The following SERPINB13 variants were observed in gnomAD, a reference collection of about 807,000 sequenced individuals.
SERPINB13 encodes serpin B13.
Under a neutral mutation model 31.2 loss-of-function variants are expected in SERPINB13, and 26 were observed. The ratio of observed to expected loss-of-function variants is 0.83; its 90% confidence interval spans 0.61 to 1.15. The LOEUF (loss-of-function observed/expected upper bound fraction) is 1.15, where lower values mean the gene tolerates loss of function less well. SERPINB13 is among the 50% of genes most tolerant of loss of function. The pLI is 0.00. For synonymous variants in SERPINB13, 191 were observed against 172.4 expected, an observed-to-expected ratio of 1.11 and a Z score of -0.85; for missense variants, 510 against 469.4, an observed-to-expected ratio of 1.09 and a Z score of -0.80.
chr18:63,597,191 T>C lies in SERPINB13; in HGVS notation c.1004T>C (p.Phe335Ser). 2 of 1,614,222 alleles carry C rather than the reference T, an allele frequency of 1.2e-6. No individual in the cohort carries two copies. The highest frequency in any genetic ancestry group is 8.5e-7 in the Non-Finnish European group (1 of 1,180,038). Residue 335 changes from phenylalanine (F) to serine (S), a missense_variant, in exon 8 of 8, where the codon TTT becomes TCT. Coordinates refer to ENST00000344731, the MANE Select transcript of SERPINB13 (RefSeq NM_012397.4). ...LYAQKFLHSS[F>S]VAVTEEGTEA... ...GCCCAGAAGTTCCTGCACAGTTCCT[T>C]TGTGGCAGTAACTGAGGAAGGCACC...
chr18:63,590,955 C>T (rs1386757815), intron 3 of SERPINB13, among the ~76,000 whole-genome samples: 1 of 152,172 alleles, frequency 6.6e-6, no homozygotes, highest in Non-Finnish European at 1.5e-5. Flanking sequence ...TATGTAAATT[C>T]AGAGTATTTT....
intron 4 of SERPINB13, 60 bp downstream of exon 4, chr18:63,592,536 G>C: frequency 6.4e-7 from 1 of 1,560,966 alleles, no homozygotes; most frequent in South Asian, 1.2e-5. Flanking sequence ...AAATGGCCCT[G>C]GTAGGACTAT....
chr18:63,587,932 T>C (rs1244429042), intron 1 of SERPINB13, among the ~76,000 whole-genome samples: 2 of 152,212 alleles, frequency 1.3e-5, no homozygotes, highest in African/African-American at 4.8e-5. Flanking sequence ...ACAAAAGTAA[T>C]GCAAGCTCAT....
intron 1 of SERPINB13, among the ~76,000 whole-genome samples, chr18:63,587,971 A>G (rs1911608885): frequency 3.3e-5 from 5 of 152,246 alleles, no homozygotes; most frequent in Admixed American, 3.3e-4. Flanking sequence ...ACAGAAAAGT[A>G]TAAAAAAGAA....
At position 63,592,375 on chromosome 18, in the gene SERPINB13, C is replaced by A. The variant is rs766444875; in HGVS notation, c.253C>A (p.Gln85Lys). 6.2e-7 allele frequency: 1 copy of A among 1,612,828 alleles called. No homozygotes were observed. Among genetic ancestry groups the A allele is most frequent in the South Asian group, 1.1e-5 (1 of 90,756 alleles). The change falls in exon 4 of 8, where the codon CAA (glutamine) becomes AAA (lysine). Residue 85 changes from glutamine to lysine, a missense_variant. Coordinates refer to ENST00000344731, the MANE Select transcript of SERPINB13 (RefSeq NM_012397.4). ...VIENTEAVHQ[Q>K]FQKFLTEISK... Reference sequence around the variant, plus strand: ...TGAGAACACAGAAGCAGTACATCAACAATTCCAAAAGTTTTTGACTGAAAT... The same window carrying A: ...TGAGAACACAGAAGCAGTACATCAAAAATTCCAAAAGTTTTTGACTGAAAT...
Position 63,592,986 on chromosome 18 carries a change from G to T in SERPINB13, c.472+15G>T. ...CAAAACAAATGGTAGAGTATGGGTG[G>T]GTCATTCATTGCAAAAAAACAAAAA... On this transcript the variant is annotated intron_variant, in intron 5 of 7. Coordinates refer to ENST00000344731, the MANE Select transcript of SERPINB13 (RefSeq NM_012397.4). 1 of 1,468,834 alleles carries T rather than the reference G, an allele frequency of 6.8e-7. No homozygotes were observed. The highest frequency in any genetic ancestry group is 9.3e-7 in the Non-Finnish European group (1 of 1,070,506). 91.0% of individuals were successfully genotyped at this position (1,468,834 alleles called of 1,614,324 possible).
Position 63,592,568 on chromosome 18 carries a change from T to A in SERPINB13, c.354+92T>A, listed in dbSNP as rs1176110456. 26 of 1,308,498 alleles carry A rather than the reference T, an allele frequency of 2.0e-5. No individual in the cohort carries two copies. In the South Asian group the frequency reaches 3.0e-4, roughly 15 times the overall value. The allele number at this position is 1,308,498 out of a possible 1,614,324, so 81.1% of individuals were successfully genotyped here. ...CTATGGGTCCTGAAGTCGTGCTGCC[T>A]GGCTCTGGCCACATCCCTGTGGTGC... On this transcript the variant is annotated intron_variant, in intron 4 of 7. Transcript: ENST00000344731.
Position 63,597,179 on chromosome 18 carries a change from T to C in SERPINB13, c.992T>C (p.Leu331Pro). 6.2e-7 allele frequency: 1 copy of C among 1,614,234 alleles called. No individual in the cohort carries two copies. The highest frequency in any genetic ancestry group is 8.5e-7 in the Non-Finnish European group (1 of 1,180,042). ...SGSGLYAQKF[L>P]HSSFVAVTEE... ...TCCGGGTTGTACGCCCAGAAGTTCC[T>C]GCACAGTTCCTTTGTGGCAGTAACT... The change falls in exon 8 of 8, where the codon CTG (leucine) becomes CCG (proline). Residue 331 changes from leucine (L) to proline (P), a missense_variant. Coordinates refer to ENST00000344731, the MANE Select transcript of SERPINB13 (RefSeq NM_012397.4).
chr18:63,588,890 G>T (rs961534984), intron 2 of SERPINB13, 58 bp downstream of exon 2: 40 of 1,552,674 alleles, frequency 2.6e-5, no homozygotes, highest in Non-Finnish European at 2.9e-5. Flanking sequence ...TTGGCGGGGG[G>T]GTTGTCAGCC....
intron 7 of SERPINB13, 27 bp downstream of exon 7, chr18:63,595,211 T>C (rs983237257): frequency 1.3e-6 from 2 of 1,585,814 alleles, no homozygotes; most frequent in African/African-American, 2.7e-5. Flanking sequence ...CCTTATTCTT[T>C]CTTTCATTTC....
intron 2 of SERPINB13, 130 bp downstream of exon 2, chr18:63,588,962 A>G (rs1474705779): frequency 2.0e-6 from 2 of 1,018,758 alleles, no homozygotes; most frequent in Non-Finnish European, 2.8e-6. Context: ...AGAGACTTTC[A>G]AGACAAGGAG....
intron 7 of SERPINB13, 50 bp from the exon 8 acceptor site, chr18:63,596,909 A>C: frequency 6.9e-7 from 1 of 1,452,736 alleles, no homozygotes; most frequent in South Asian, 1.3e-5. Context: ...ACACTGTTTT[A>C]GATTTTTATT....
intron 1 of SERPINB13, among the ~76,000 whole-genome samples, chr18:63,588,258 T>C (rs1026078263): frequency 1.3e-5 from 2 of 152,316 alleles, no homozygotes; most frequent in East Asian, 3.9e-4. Context: ...TGCCTTATCA[T>C]GGGCCCCACA....
intron 7 of SERPINB13, among the ~76,000 whole-genome samples, chr18:63,595,645 A>T (rs1912119720): frequency 6.6e-6 from 1 of 152,174 alleles, no homozygotes; most frequent in African/African-American, 2.4e-5. Context: ...CACGCCTGTA[A>T]TCCCAGCACT....
At chr18:63,595,724 C>T (rs1446595234) in intron 7 of SERPINB13, among the ~76,000 whole-genome samples, 1 of 151,888 alleles carries the variant, frequency 6.6e-6, no homozygotes, top group East Asian at 1.9e-4. Flanking sequence ...ACGGTGAAAC[C>T]CCGTCTCTAC....
rs1411163543 is a variant in SERPINB13, at chr18:63,592,877, A to G, written c.378A>G (p.Lys126=). Residue 126 remains lysine, a synonymous_variant, in exon 5 of 8, where the codon AAA becomes AAG. Coordinates refer to ENST00000344731, the MANE Select transcript of SERPINB13 (RefSeq NM_012397.4). The stretch of plus-strand genomic sequence containing the variant: ...AGAAATACTTAGATTATGTTGAAAA[A>G]TATTATCATGCATCTCTGGAACCTG... ...FLQKYLDYVE[K]YYHASLEPVD... 6.2e-7 allele frequency: 1 copy of G among 1,603,346 alleles called. No homozygotes were observed.
intron 4 of SERPINB13, 98 bp downstream of exon 4, chr18:63,592,574 T>C: frequency 8.1e-7 from 1 of 1,227,804 alleles, no homozygotes; most frequent in African/African-American, 1.5e-5. Flanking sequence ...TGCCTGGCTC[T>C]GGCCACATCC....
At chr18:63,594,003 C>T in intron 5 of SERPINB13, 1 of 508,898 alleles carries the variant, frequency 2.0e-6, no homozygotes, top group South Asian at 1.5e-5. Context: ...CCCTATGAGG[C>T]AGATTTTATT....
chr18:63,597,181 C>T lies in SERPINB13; in HGVS notation c.994C>T (p.His332Tyr). The T allele has an allele frequency of 2.5e-6, 4 of 1,614,220 alleles. No homozygotes were observed. The highest frequency in any genetic ancestry group is 3.4e-6 in the Non-Finnish European group (4 of 1,180,050). Residue 332 changes from histidine (H) to tyrosine (Y), a missense_variant, in exon 8 of 8, where the codon CAC (histidine) becomes TAC (tyrosine). His to Tyr is a moderately conservative substitution (Grantham distance 83, BLOSUM62 2). Coordinates refer to ENST00000344731, the MANE Select transcript of SERPINB13 (RefSeq NM_012397.4). ...CGGGTTGTACGCCCAGAAGTTCCTG[C>T]ACAGTTCCTTTGTGGCAGTAACTGA... Reference protein sequence around the residue: ...GSGLYAQKFLHSSFVAVTEEG... With the variant: ...GSGLYAQKFLYSSFVAVTEEG...
Sources: gnomAD v4.1 joint callset for allele counts (sites outside exome capture counted in the v4.1 genomes callset) on GRCh38, gnomAD v4.1.1 for gene constraint, MANE v1.5 for transcripts, NCBI Gene and HGNC (gene_info 2026-07-23, HGNC 2026-07-21) for gene names.